Variants in CAB39L observed in about 807,000 individuals in gnomAD.
The protein encoded by CAB39L is calcium-binding protein 39-like.
A neutral mutation model predicts 39.1 loss-of-function variants in CAB39L; 23 were observed. The ratio of observed to expected loss-of-function variants is 0.59; its 90% confidence interval spans 0.42 to 0.83. The LOEUF (loss-of-function observed/expected upper bound fraction) is 0.83, where lower values mean the gene tolerates loss of function less well. CAB39L is among the 40% of genes least tolerant of loss of function. CAB39L has a pLI of 0.00. For missense variants in CAB39L, 366 were observed against 391.9 expected (o/e 0.93, Z 0.56); for synonymous variants, 126 against 137.2 (o/e 0.92, Z 0.57).
At chr13:49,337,732 G>GCGCA (rs917662958) in intron 9 of CAB39L, among the ~76,000 whole-genome samples, 20 of 144,210 alleles carry the variant, frequency 1.4e-4, no homozygotes, top group African/African-American at 5.1e-4. Context: ...CTGCTCTGGC[G>GCGCA]CACACACACA....
intron 8 of CAB39L, among the ~76,000 whole-genome samples, chr13:49,340,046 C>A (rs887185567): frequency 1.3e-5 from 2 of 152,196 alleles, no homozygotes; most frequent in African/African-American, 2.4e-5. Context: ...TTAAAGAAAT[C>A]TTTATGTAAG....
chr13:49,321,918 T>A (rs1371869078), intron 10 of CAB39L, among the ~76,000 whole-genome samples: 2 of 152,196 alleles, frequency 1.3e-5, no homozygotes, highest in African/African-American at 4.8e-5. Context: ...GGCAGTTTTG[T>A]AAAAGGAATA....
chr13:49,431,171 T>C (rs1375711325), intron 3 of CAB39L, among the ~76,000 whole-genome samples: 1 of 152,202 alleles, frequency 6.6e-6, no homozygotes, highest in Non-Finnish European at 1.5e-5. Flanking sequence ...CCTTTCCTTG[T>C]TGTCTCCTCT....
intron 10 of CAB39L, among the ~76,000 whole-genome samples, chr13:49,328,009 G>A (rs1214093868): frequency 2.6e-5 from 4 of 152,192 alleles, no homozygotes; most frequent in Non-Finnish European, 4.4e-5. Context: ...AGGACTTGCT[G>A]TAATGTACAT....
chr13:49,436,928 T>A (rs900682980), intron 1 of CAB39L, among the ~76,000 whole-genome samples: 1 of 152,088 alleles, frequency 6.6e-6, no homozygotes, highest in South Asian at 2.1e-4. Context: ...TAAAATTTTT[T>A]AAAAACTTTT....
rs114033979 is a variant in CAB39L, at chr13:49,434,174, T to C, written c.-196A>G. ...CATCTTTACGTTCTGAACAGCAACT[T>C]AGAACACTTTGCTCCTGATATTCTT... On this transcript the variant is annotated 5_prime_UTR_variant, in exon 2 of 11. Coordinates refer to ENST00000409308, the MANE Select transcript of CAB39L (RefSeq NM_001079670.3). The C allele has an allele frequency of 2.6e-5, 12 of 456,424 alleles. No individual in the cohort carries two copies. The East Asian group carries it at 7.6e-4, about 29-fold the overall frequency. 28.3% of individuals were successfully genotyped at this position (456,424 alleles called of 1,614,324 possible).
chr13:49,437,473 C>T (rs1283127617), intron 1 of CAB39L, among the ~76,000 whole-genome samples: 1 of 152,080 alleles, frequency 6.6e-6, no homozygotes, highest in African/African-American at 2.4e-5. Flanking sequence ...CATTTTCTTT[C>T]AAGTCTCTTA....
At chr13:49,437,434 G>A (rs1198623297) in intron 1 of CAB39L, among the ~76,000 whole-genome samples, 2 of 152,160 alleles carry the variant, frequency 1.3e-5, no homozygotes, top group African/African-American at 4.8e-5. Context: ...CCCAGAAGCA[G>A]TACTTTCATG....
intron 1 of CAB39L, among the ~76,000 whole-genome samples, chr13:49,443,727 G>A (rs1470689462): frequency 6.6e-6 from 1 of 151,958 alleles, no homozygotes; most frequent in African/African-American, 2.4e-5. Flanking sequence ...CAAAACCTGG[G>A]ATCCCTACTA....
At chr13:49,399,344 C>A (rs908539916) in intron 3 of CAB39L, among the ~76,000 whole-genome samples, 1 of 152,040 alleles carries the variant, frequency 6.6e-6, no homozygotes, top group South Asian at 2.1e-4. Context: ...ATGAAAGCAC[C>A]CAGAAAACCC....
intron 6 of CAB39L, among the ~76,000 whole-genome samples, chr13:49,358,634 G>T (rs868530846): frequency 6.6e-6 from 1 of 152,194 alleles, no homozygotes; most frequent in Non-Finnish European, 1.5e-5. Context: ...TCTGAGGCAG[G>T]CAGATCACTT....
At chr13:49,429,689 A>G (rs1957291340) in intron 3 of CAB39L, among the ~76,000 whole-genome samples, 1 of 152,216 alleles carries the variant, frequency 6.6e-6, no homozygotes, top group Non-Finnish European at 1.5e-5. Flanking sequence ...CATGAGGTTC[A>G]CCAAAACCTC....
intron 8 of CAB39L, among the ~76,000 whole-genome samples, chr13:49,342,730 T>G (rs1204366958): frequency 1.3e-5 from 2 of 152,146 alleles, no homozygotes; most frequent in Non-Finnish European, 2.9e-5. Flanking sequence ...CATAGGGCCA[T>G]ACGCGGCTAC....
intron 5 of CAB39L, among the ~76,000 whole-genome samples, chr13:49,373,622 G>C (rs562231805): frequency 1.3e-5 from 2 of 152,282 alleles, no homozygotes; most frequent in East Asian, 1.9e-4. Context: ...TGGCTCACTG[G>C]TATGTCCCAA....
At chr13:49,384,684 T>A (rs1230184368) in intron 3 of CAB39L, among the ~76,000 whole-genome samples, 2 of 152,206 alleles carry the variant, frequency 1.3e-5, no homozygotes, top group African/African-American at 4.8e-5. Context: ...ATTACTCCTT[T>A]ATCCATGGGC....
intron 8 of CAB39L, among the ~76,000 whole-genome samples, chr13:49,340,226 A>G (rs1028113408): frequency 6.6e-6 from 1 of 152,094 alleles, no homozygotes; most frequent in Admixed American, 6.5e-5. Context: ...GGAGCACTTC[A>G]CTCTCACCGG....
In CAB39L at chr13:49,351,200, C is replaced by T. The variant is rs17072837; in HGVS notation, c.396-288G>A. 3.1e-3 allele frequency: 780 copies of T among 253,152 alleles called. 16 individuals are homozygous for T. In the East Asian group the frequency reaches 0.038, roughly 12 times the overall value. 15.7% of individuals were successfully genotyped at this position (253,152 alleles called of 1,614,324 possible). A position where few individuals can be genotyped will look rare whatever the true frequency, so the allele number is the denominator to read the frequency against. ...TAAACAATGAAAAGATAATTTCATA[C>T]ACTGAGAAGGGCTGTAAAAACTGTT... On this transcript the variant is annotated intron_variant, in intron 6 of 10. Transcript: ENST00000409308.
chr13:49,318,455 AAAAGG>A (rs1566404528), intron 10 of CAB39L, among the ~76,000 whole-genome samples: 14 of 174 alleles, frequency 0.08, 4 homozygotes, highest in African/African-American at 0.1. Context: ...CTGTGTCAAA[AAAAGG>A]AAAGGAAAGG....
chr13:49,417,444 A>G (rs1489456791), intron 3 of CAB39L, among the ~76,000 whole-genome samples: 1 of 152,160 alleles, frequency 6.6e-6, no homozygotes, highest in Non-Finnish European at 1.5e-5. Flanking sequence ...AACATACCCA[A>G]CTTAACTATT....
Sources: gnomAD v4.1 joint callset for allele counts (sites outside exome capture counted in the v4.1 genomes callset) on GRCh38, gnomAD v4.1.1 for gene constraint, MANE v1.5 for transcripts, NCBI Gene and HGNC (gene_info 2026-07-23, HGNC 2026-07-21) for gene names.